Variants in CADM2 observed in about 807,000 individuals in gnomAD.
The protein encoded by CADM2 is cell adhesion molecule 2, also known as immunoglobulin superfamily member 4D.
CADM2 carries 12 observed loss-of-function variants against 49.8 expected under a neutral mutation model. That is an observed-to-expected ratio of 0.24 (90% CI 0.15 to 0.39). CADM2 has a LOEUF of 0.39. Ranked by LOEUF, CADM2 falls within the 10% of genes least tolerant of loss-of-function variation. The pLI, the probability that CADM2 is intolerant of heterozygous loss-of-function variation, is 1.00. For synonymous variants in CADM2, 214 were observed against 175.4 expected (o/e 1.22, Z -1.74); for missense variants, 378 against 492.3 (o/e 0.77, Z 2.20).
At chr3:85,405,454 GA>G (rs1559823172) in intron 1 of CADM2, among the ~76,000 whole-genome samples, 1 of 152,182 alleles carries the variant, frequency 6.6e-6, no homozygotes, top group African/African-American at 2.4e-5. Context: ...GTCAGTGGCG[GA>G]AAAACAACTT....
At chr3:85,928,469 A>G (rs1057123427) in intron 6 of CADM2, among the ~76,000 whole-genome samples, 1 of 152,004 alleles carries the variant, frequency 6.6e-6, no homozygotes, top group Non-Finnish European at 1.5e-5. Context: ...AAGAAGAAAA[A>G]CCTTTTGTCC....
chr3:85,018,921 A>C (rs2034376946), intron 1 of CADM2, among the ~76,000 whole-genome samples: 1 of 152,162 alleles, frequency 6.6e-6, no homozygotes, highest in Non-Finnish European at 1.5e-5. Context: ...TCAGGACCCC[A>C]GGCTGTTTCC....
intron 1 of CADM2, among the ~76,000 whole-genome samples, chr3:85,258,525 A>G (rs1320429983): frequency 6.6e-6 from 1 of 151,952 alleles, no homozygotes; most frequent in Non-Finnish European, 1.5e-5. Context: ...CACAGTCCCA[A>G]TATTTGCATG....
At chr3:85,467,958 T>C (rs2038578822) in intron 1 of CADM2, among the ~76,000 whole-genome samples, 1 of 151,638 alleles carries the variant, frequency 6.6e-6, no homozygotes. Context: ...ATCGAGACCA[T>C]CCCGGCTAAA....
intron 1 of CADM2, among the ~76,000 whole-genome samples, chr3:85,139,864 T>C (rs2107625395): frequency 6.6e-6 from 1 of 152,140 alleles, no homozygotes; most frequent in Admixed American, 6.6e-5. Context: ...CAAGGATAAA[T>C]TACCTTATGA....
intron 1 of CADM2, among the ~76,000 whole-genome samples, chr3:85,281,279 G>T (rs2043492953): frequency 6.6e-6 from 1 of 151,694 alleles, no homozygotes; most frequent in Non-Finnish European, 1.5e-5. Flanking sequence ...TTAGATCAGG[G>T]TTAATAGAAT....
intron 1 of CADM2, among the ~76,000 whole-genome samples, chr3:84,981,523 C>T (rs771429574): frequency 1.6e-4 from 24 of 152,020 alleles, no homozygotes; most frequent in Non-Finnish European, 2.4e-4. Context: ...AGCTACATTA[C>T]TTGAGTTTTG....
chr3:85,407,060 G>A (rs572529923), intron 1 of CADM2, among the ~76,000 whole-genome samples: 1 of 152,182 alleles, frequency 6.6e-6, no homozygotes, highest in Non-Finnish European at 1.5e-5. Context: ...AAATTAAACA[G>A]GTGTGGTGGT....
chr3:85,256,684 G>T (rs2042892443), intron 1 of CADM2, among the ~76,000 whole-genome samples: 1 of 151,980 alleles, frequency 6.6e-6, no homozygotes, highest in Non-Finnish European at 1.5e-5. Context: ...TAACATCAAG[G>T]TTTGTTAGAT....
chr3:85,079,642 TC>T (rs2107496799), intron 1 of CADM2, among the ~76,000 whole-genome samples: 1 of 151,974 alleles, frequency 6.6e-6, no homozygotes, highest in Admixed American at 6.6e-5. Context: ...ACAGTCATTA[TC>T]CTTTGGGCAC....
At chr3:85,242,507 G>T (rs2042554354) in intron 1 of CADM2, among the ~76,000 whole-genome samples, 1 of 151,430 alleles carries the variant, frequency 6.6e-6, no homozygotes, top group Non-Finnish European at 1.5e-5. Context: ...TTGTATTTTA[G>T]AAATTTAATC....
At chr3:85,367,340 A>G (rs1270892977) in intron 1 of CADM2, among the ~76,000 whole-genome samples, 1 of 152,040 alleles carries the variant, frequency 6.6e-6, no homozygotes, top group Non-Finnish European at 1.5e-5. Context: ...TGCAAACGAA[A>G]TAGAATCCAG....
intron 2 of CADM2, among the ~76,000 whole-genome samples, chr3:85,752,455 G>A (rs901322221): frequency 7.5e-6 from 1 of 133,216 alleles, no homozygotes; most frequent in Non-Finnish European, 1.6e-5. Context: ...TTCTCCTTAT[G>A]TCTCATATGT....
intron 3 of CADM2, among the ~76,000 whole-genome samples, chr3:85,830,950 C>T (rs1452140812): frequency 6.6e-6 from 1 of 151,622 alleles, no homozygotes; most frequent in Non-Finnish European, 1.5e-5. Context: ...AAGTTGTGAG[C>T]ATAGACCTGA....
intron 2 of CADM2, among the ~76,000 whole-genome samples, chr3:85,796,933 A>T (rs917213258): frequency 6.6e-6 from 1 of 151,958 alleles, no homozygotes; most frequent in Non-Finnish European, 1.5e-5. Context: ...TGTCTCTACT[A>T]AAAATGCAAA....
Position 85,178,102 on chromosome 3 carries a change from A to C in CADM2, c.61+218434A>C, listed in dbSNP as rs546738731. ...ATGTAGCTTGATGCAATCTGGGATT[A>C]ACAACAACAAATGTATATAATGCTA... On this transcript the variant is annotated intron_variant, in intron 1 of 9. Coordinates refer to ENST00000383699, the MANE Select transcript of CADM2 (RefSeq NM_001167675.2). 1.2e-3 allele frequency among the ~76,000 whole-genome samples: 186 copies of C among 152,026 alleles called. 1 individual carries two copies. The highest frequency in any genetic ancestry group is 4.1e-3 in the African/African-American group (169 of 41,560).
At chr3:85,137,376 T>A (rs1391977254) in intron 1 of CADM2, among the ~76,000 whole-genome samples, 2 of 151,988 alleles carry the variant, frequency 1.3e-5, no homozygotes, top group Non-Finnish European at 2.9e-5. Flanking sequence ...TTTAGCAGAA[T>A]GTACTTAGTG....
chr3:84,989,661 A>G (rs1038244823), intron 1 of CADM2, among the ~76,000 whole-genome samples: 1 of 152,052 alleles, frequency 6.6e-6, no homozygotes, highest in African/African-American at 2.4e-5. Flanking sequence ...TAATAACCTG[A>G]GCTGCTTCTC....
chr3:85,681,666 A>C (rs896124871), intron 1 of CADM2, among the ~76,000 whole-genome samples: 2 of 152,150 alleles, frequency 1.3e-5, no homozygotes, highest in Non-Finnish European at 2.9e-5. Flanking sequence ...TAGTGGAGTC[A>C]AATGATTTCT....
Sources: gnomAD v4.1 joint callset for allele counts (sites outside exome capture counted in the v4.1 genomes callset) on GRCh38, gnomAD v4.1.1 for gene constraint, MANE v1.5 for transcripts, NCBI Gene and HGNC (gene_info 2026-07-23, HGNC 2026-07-21) for gene names.